Variants in STXBP6 observed in about 807,000 individuals in gnomAD.
STXBP6 encodes syntaxin-binding protein 6.
STXBP6 carries 21 observed loss-of-function variants against 26.9 expected under a neutral mutation model. The observed-to-expected ratio is 0.78, with a 90% CI of 0.55 to 1.12. STXBP6 has a LOEUF of 1.12. Among genes scored for constraint, STXBP6 ranks in the 50% most tolerant of loss-of-function variants. STXBP6 has a pLI of 0.00. For synonymous variants in STXBP6, 97 were observed against 92.6 expected, an observed-to-expected ratio of 1.05 and a Z score of -0.27; for missense variants, 232 against 257.9, an observed-to-expected ratio of 0.90 and a Z score of 0.69.
At chr14:24,854,982 A>G (rs1403820544) in intron 4 of STXBP6, among the ~76,000 whole-genome samples, 1 of 152,118 alleles carries the variant, frequency 6.6e-6, no homozygotes, top group Non-Finnish European at 1.5e-5. Flanking sequence ...GATGTAAGCA[A>G]CTTCCTACTT....
intron 4 of STXBP6, among the ~76,000 whole-genome samples, chr14:24,823,460 A>T (rs1380306154): frequency 6.6e-6 from 1 of 152,206 alleles, no homozygotes; most frequent in East Asian, 1.9e-4. Context: ...CTTGGTAATT[A>T]AAATCCTTAA....
intron 2 of STXBP6, among the ~76,000 whole-genome samples, chr14:24,957,905 G>A (rs913734513): frequency 1.3e-5 from 2 of 152,160 alleles, no homozygotes; most frequent in Non-Finnish European, 2.9e-5. Flanking sequence ...AAGAAATGCA[G>A]AGTATGCACA....
Position 24,836,354 on chromosome 14 carries a change from T to C in STXBP6, c.452-17160A>G, listed in dbSNP as rs929068412. On this transcript the variant is annotated intron_variant, in intron 4 of 5. Transcript: ENST00000323944. The stretch of plus-strand genomic sequence containing the variant: ...GCTCACAACTGTAATCCCAGCACTT[T>C]GGGAGGTCGAGGCGAGCGGACCACC... 3.3e-5 allele frequency among the ~76,000 whole-genome samples: 5 copies of C among 152,244 alleles called. No homozygotes were observed. In the South Asian group the frequency reaches 1.0e-3, roughly 32 times the overall value.
At chr14:25,046,435 G>T (rs1037122249) in intron 1 of STXBP6, among the ~76,000 whole-genome samples, 3 of 106,468 alleles carry the variant, frequency 2.8e-5, no homozygotes, top group African/African-American at 4.5e-5. Flanking sequence ...GTTTTTTAAA[G>T]GTTTCTGATT....
intron 1 of STXBP6, among the ~76,000 whole-genome samples, chr14:25,004,517 T>A (rs1165083431): frequency 6.6e-6 from 1 of 152,180 alleles, no homozygotes; most frequent in Non-Finnish European, 1.5e-5. Flanking sequence ...CAAAACTGAC[T>A]GGATTAGGAG....
At chr14:24,970,667 A>G (rs1483085254) in intron 2 of STXBP6, among the ~76,000 whole-genome samples, 1 of 152,216 alleles carries the variant, frequency 6.6e-6, no homozygotes, top group Non-Finnish European at 1.5e-5. Context: ...GTTATTATGA[A>G]TGAGACTGTT....
intron 1 of STXBP6, among the ~76,000 whole-genome samples, chr14:25,030,197 C>G (rs2075426431): frequency 6.6e-6 from 1 of 152,212 alleles, no homozygotes; most frequent in Non-Finnish European, 1.5e-5. Context: ...AGCAATTCAA[C>G]AGGCTGGAGT....
intron 1 of STXBP6, among the ~76,000 whole-genome samples, chr14:24,990,425 G>A (rs1204247069): frequency 3.9e-5 from 6 of 152,112 alleles, no homozygotes; most frequent in Non-Finnish European, 7.4e-5. Flanking sequence ...TAGGAAGGCC[G>A]AGGTGGGTAG....
intron 1 of STXBP6, among the ~76,000 whole-genome samples, chr14:25,019,574 G>C (rs1269409547): frequency 6.6e-6 from 1 of 152,216 alleles, no homozygotes. Context: ...CAAAACTGCT[G>C]TAAGCTATAA....
Position 24,942,621 on chromosome 14 carries a change from C to T in STXBP6, c.154+32044G>A, listed in dbSNP as rs1298967078. The stretch of plus-strand genomic sequence containing the variant: ...CTTGTCTCCACGCTTTGCCCACTGA[C>T]GGTCTGATCTTTTATTCAGCATTTA... On this transcript the variant is annotated intron_variant, in intron 2 of 5. Transcript: ENST00000323944. 3.9e-5 allele frequency among the ~76,000 whole-genome samples: 6 copies of T among 152,220 alleles called. No homozygotes were observed. In the East Asian group the frequency reaches 5.8e-4, roughly 15 times the overall value.
intron 2 of STXBP6, among the ~76,000 whole-genome samples, chr14:24,970,637 G>A (rs899130915): frequency 1.3e-5 from 2 of 152,074 alleles, no homozygotes; most frequent in Non-Finnish European, 2.9e-5. Context: ...ATGTAGATGG[G>A]TATTTATTTC....
intron 2 of STXBP6, among the ~76,000 whole-genome samples, chr14:24,865,574 A>G (rs2069688686): frequency 6.6e-6 from 1 of 152,158 alleles, no homozygotes; most frequent in South Asian, 2.1e-4. Context: ...TTAAAAAATA[A>G]TCACTCAAAA....
At chr14:24,947,705 A>C (rs2073036728) in intron 2 of STXBP6, among the ~76,000 whole-genome samples, 1 of 152,198 alleles carries the variant, frequency 6.6e-6, no homozygotes, top group Non-Finnish European at 1.5e-5. Flanking sequence ...TGATTGGATA[A>C]GAATGTGTAA....
Position 24,817,959 on chromosome 14 carries a change from C to T in STXBP6, c.609+1078G>A, listed in dbSNP as rs190903551. On this transcript the variant is annotated intron_variant, in intron 5 of 5. Coordinates refer to ENST00000323944, the MANE Select transcript of STXBP6 (RefSeq NM_001394410.1). The stretch of plus-strand genomic sequence containing the variant: ...GAGTCATCCACTTAGAGCTGGATCC[C>T]CAGCTGGACCTGAGCGTGAGCCTCC... 7.9e-4 allele frequency: 344 copies of T among 434,244 alleles called. 1 individual carries two copies. The highest frequency in any genetic ancestry group is 3.6e-3 in the Middle Eastern group (10 of 2,792). The allele number at this position is 434,244 out of a possible 1,614,324, so 26.9% of individuals were successfully genotyped here. A position where few individuals can be genotyped will look rare whatever the true frequency, so the allele number is the denominator to read the frequency against.
intron 4 of STXBP6, among the ~76,000 whole-genome samples, chr14:24,852,337 C>A (rs1412881740): frequency 1.3e-5 from 2 of 152,110 alleles, no homozygotes; most frequent in African/African-American, 4.8e-5. Context: ...CTAAAATTCC[C>A]CAGGCTTTGT....
chr14:24,940,600 T>C (rs1566494932), intron 2 of STXBP6, among the ~76,000 whole-genome samples: 2 of 152,238 alleles, frequency 1.3e-5, no homozygotes, highest in African/African-American at 2.4e-5. Flanking sequence ...TATGCTGGTA[T>C]GTGTCAGAGA....
At chr14:25,011,575 G>A (rs1318330240) in intron 1 of STXBP6, among the ~76,000 whole-genome samples, 2 of 152,128 alleles carry the variant, frequency 1.3e-5, no homozygotes, top group African/African-American at 4.8e-5. Flanking sequence ...AAGAGAATGA[G>A]ACAAAATAAT....
intron 1 of STXBP6, among the ~76,000 whole-genome samples, chr14:24,979,325 G>A (rs543651646): frequency 6.6e-6 from 1 of 152,302 alleles, no homozygotes; most frequent in East Asian, 1.9e-4. Flanking sequence ...TCATAAGCTA[G>A]TTAATGTGTC....
intron 2 of STXBP6, among the ~76,000 whole-genome samples, chr14:24,971,473 C>T (rs2073904563): frequency 6.6e-6 from 1 of 152,148 alleles, no homozygotes; most frequent in South Asian, 2.1e-4. Flanking sequence ...AGTTGAAGGG[C>T]CTGGCCTCCC....
Sources: gnomAD v4.1 joint callset for allele counts (sites outside exome capture counted in the v4.1 genomes callset) on GRCh38, gnomAD v4.1.1 for gene constraint, MANE v1.5 for transcripts, NCBI Gene and HGNC (gene_info 2026-07-23, HGNC 2026-07-21) for gene names.